Variants in HECW1 observed in about 807,000 individuals in gnomAD.
HECW1 encodes the protein E3 ubiquitin-protein ligase HECW1.
A neutral mutation model predicts 182.3 loss-of-function variants in HECW1; 61 were observed. The observed-to-expected ratio is 0.33, with a 90% confidence interval of 0.27 to 0.41. HECW1 has a LOEUF of 0.41. Ranked by LOEUF, HECW1 falls within the 10% of genes least tolerant of loss-of-function variation. The pLI, the probability that HECW1 is intolerant of heterozygous loss-of-function variation, is 1.00. For synonymous variants in HECW1, 859 were observed against 832.6 expected (o/e 1.03, Z -0.55); for missense variants, 1,739 against 2,108.9 (o/e 0.82, Z 3.44).
chr7:43,435,673 C>T (rs927739447), intron 8 of HECW1, among the ~76,000 whole-genome samples: 1 of 152,152 alleles, frequency 6.6e-6, no homozygotes, highest in Non-Finnish European at 1.5e-5. Flanking sequence ...GTCACTGTAA[C>T]TGGCAATGCT....
intron 3 of HECW1, among the ~76,000 whole-genome samples, chr7:43,293,828 G>A (rs929158716): frequency 6.6e-6 from 1 of 152,120 alleles, no homozygotes; most frequent in Non-Finnish European, 1.5e-5. Flanking sequence ...TAAAAACTGG[G>A]CCACACAGCA....
intron 2 of HECW1, among the ~76,000 whole-genome samples, chr7:43,159,144 G>A (rs1391706125): frequency 6.7e-6 from 1 of 148,526 alleles, no homozygotes; most frequent in Non-Finnish European, 1.5e-5. Flanking sequence ...TTTTAAAGAG[G>A]AATTTTTTAT....
chr7:43,396,920 G>A (rs373256741), intron 7 of HECW1, 31 bp downstream of exon 7: 40 of 1,514,308 alleles, frequency 2.6e-5, no homozygotes, highest in Non-Finnish European at 3.4e-5. Flanking sequence ...ACTTTGTGGA[G>A]AGACTAAGAA....
At chr7:43,132,925 G>A (rs1787119572) in intron 2 of HECW1, among the ~76,000 whole-genome samples, 1 of 152,030 alleles carries the variant, frequency 6.6e-6, no homozygotes, top group Admixed American at 6.6e-5. Context: ...TAATTAAGCT[G>A]GATTTAGTTT....
At chr7:43,313,284 A>G (rs573237262) in intron 4 of HECW1, among the ~76,000 whole-genome samples, 1 of 152,346 alleles carries the variant, frequency 6.6e-6, no homozygotes, top group African/African-American at 2.4e-5. Context: ...GTTCTTGAAT[A>G]AAAGTAGATA....
intron 13 of HECW1, among the ~76,000 whole-genome samples, chr7:43,463,421 A>AT (rs1463694012): frequency 1.3e-5 from 2 of 152,124 alleles, no homozygotes; most frequent in African/African-American, 4.8e-5. Context: ...ATTTGTGTTG[A>AT]TTTTTTAAAA....
chr7:43,508,285 G>A (rs2079679406), intron 23 of HECW1, among the ~76,000 whole-genome samples, 154 bp downstream of exon 23: 1 of 152,056 alleles, frequency 6.6e-6, no homozygotes, highest in Non-Finnish European at 1.5e-5. Context: ...CTTCTTTTCA[G>A]GTATTGCCAA....
intron 19 of HECW1, among the ~76,000 whole-genome samples, chr7:43,494,805 C>T (rs911110240): frequency 6.6e-6 from 1 of 152,168 alleles, no homozygotes; most frequent in African/African-American, 2.4e-5. Flanking sequence ...TTAGCCACCT[C>T]ACCCAGCCTA....
At position 43,447,286 on chromosome 7, in the gene HECW1, T is replaced by C. The variant is rs141404354; in HGVS notation, c.2398+1716T>C. ...TGGGAGATAATCTACACATGGTCAATTGAAACTTGGCTCAATGTAAATTTA... is the reference window on the plus strand; with the variant it reads ...TGGGAGATAATCTACACATGGTCAACTGAAACTTGGCTCAATGTAAATTTA... On this transcript the variant is annotated intron_variant, in intron 11 of 29. Coordinates refer to ENST00000395891, the MANE Select transcript of HECW1 (RefSeq NM_015052.5). 8.6e-3 allele frequency among the ~76,000 whole-genome samples: 1,315 copies of C among 152,286 alleles called. 16 individuals are homozygous for C. The highest frequency in any genetic ancestry group is 0.029 in the African/African-American group (1,210 of 41,558).
intron 24 of HECW1, among the ~76,000 whole-genome samples, chr7:43,539,778 A>G (rs2081299865): frequency 6.6e-6 from 1 of 152,218 alleles, no homozygotes; most frequent in African/African-American, 2.4e-5. Context: ...TGTTAGAAGC[A>G]TTGGTTACAA....
rs962507879 is a variant in HECW1 at position 43,564,856 on chromosome 7, G to A, written c.*2930G>A. The A allele has an allele frequency of 1.1e-5, 2 of 183,882 alleles. No homozygotes were observed. The highest frequency in any genetic ancestry group is 2.4e-5 in the African/African-American group (1 of 42,378). 11.4% of individuals were successfully genotyped at this position (183,882 alleles called of 1,614,324 possible). A position where few individuals can be genotyped will look rare whatever the true frequency, so the allele number is the denominator to read the frequency against. ...CTTAAATTATATAGTTCGGCAGAAA[G>A]ACAGATCTATTTGTTACCACCTGTA... On this transcript the variant is annotated 3_prime_UTR_variant, in exon 30 of 30. Coordinates refer to ENST00000395891, the MANE Select transcript of HECW1 (RefSeq NM_015052.5).
intron 5 of HECW1, among the ~76,000 whole-genome samples, chr7:43,342,188 A>C (rs924402384): frequency 3.3e-5 from 5 of 151,810 alleles, no homozygotes; most frequent in African/African-American, 1.2e-4. Context: ...AATTAACATA[A>C]ATTTTCCAGT....
intron 4 of HECW1, among the ~76,000 whole-genome samples, chr7:43,315,642 C>T (rs1179975499): frequency 6.6e-6 from 1 of 152,056 alleles, no homozygotes; most frequent in African/African-American, 2.4e-5. Flanking sequence ...TACAGGCATG[C>T]ACCACCACCC....
chr7:43,353,572 CA>C (rs1167846054), intron 5 of HECW1, among the ~76,000 whole-genome samples: 1 of 152,052 alleles, frequency 6.6e-6, no homozygotes, highest in African/African-American at 2.4e-5. Flanking sequence ...GGCCACAAAG[CA>C]GTGAAAAAAA....
rs1466173291 is a variant in HECW1 at position 43,308,375 on chromosome 7, ATATT to A, written c.28-3384_28-3381del. Among the ~76,000 whole-genome samples the A allele has an allele frequency of 1.3e-4, 17 of 126,856 alleles. No homozygotes were observed. The Admixed American group carries it at 1.5e-3, about 11-fold the overall frequency. The allele number at this position is 126,856 out of a possible 152,430, so 83.2% of individuals were successfully genotyped here. On this transcript the variant is annotated intron_variant, in intron 3 of 29. Transcript: ENST00000395891. ...ATTTATATATAATATAACATATAATATATTTATATATATATAAAATCTTCACATT... is the reference window on the plus strand; with the variant it reads ...ATTTATATATAATATAACATATAATATATATATATATAAAATCTTCACATT...
In HECW1 at chr7:43,516,057, G is replaced by A. The variant is rs117236982; in HGVS notation, c.4019+6936G>A. 7.4e-3 allele frequency among the ~76,000 whole-genome samples: 1,128 copies of A among 152,284 alleles called. 8 individuals are homozygous for A. Among genetic ancestry groups the A allele is most frequent in the Non-Finnish European group, 0.012 (784 of 68,024 alleles). ...TTTCCTGAGCACTCAATTTAAAATA[G>A]TGCATCCATTTATAATTTTCCAACT... On this transcript the variant is annotated intron_variant, in intron 24 of 29. Transcript: ENST00000395891.
At chr7:43,172,048 C>A (rs1791747372) in intron 2 of HECW1, among the ~76,000 whole-genome samples, 1 of 149,334 alleles carries the variant, frequency 6.7e-6, no homozygotes, top group South Asian at 2.1e-4. Flanking sequence ...GAGGCTGAGG[C>A]GGGTGGATAA....
intron 26 of HECW1, among the ~76,000 whole-genome samples, chr7:43,542,755 A>C (rs79780892): frequency 0.016 from 2,376 of 152,282 alleles, 59 homozygotes; most frequent in African/African-American, 0.054. Flanking sequence ...TTTTGTTTTT[A>C]AATTAGCGAA....
chr7:43,226,408 C>T (rs959487925), intron 2 of HECW1, among the ~76,000 whole-genome samples: 15 of 152,126 alleles, frequency 9.9e-5, no homozygotes, highest in African/African-American at 3.1e-4. Context: ...TTGAGGATCA[C>T]GAGATGGTAT....
Sources: gnomAD v4.1 joint callset for allele counts (sites outside exome capture counted in the v4.1 genomes callset) on GRCh38, gnomAD v4.1.1 for gene constraint, MANE v1.5 for transcripts, NCBI Gene and HGNC (gene_info 2026-07-23, HGNC 2026-07-21) for gene names.